The following TRIM26 variants were observed in gnomAD, a reference collection of about 807,000 sequenced individuals.
TRIM26 encodes tripartite motif-containing protein 26.
A neutral mutation model predicts 45.5 loss-of-function variants in TRIM26; 16 were observed. The ratio of observed to expected loss-of-function variants is 0.35; its 90% confidence interval spans 0.24 to 0.53. The LOEUF (loss-of-function observed/expected upper bound fraction) is 0.53, where lower values mean the gene tolerates loss of function less well. Ranked by LOEUF, TRIM26 falls within the 20% of genes least tolerant of loss-of-function variation. The pLI is 0.92. For missense variants in TRIM26, 442 were observed against 691.1 expected, an observed-to-expected ratio of 0.64 and a Z score of 4.04; for synonymous variants, 273 against 290.4, an observed-to-expected ratio of 0.94 and a Z score of 0.61.
At chr6:30,199,296 G>T in intron 3 of TRIM26, 32 bp from the exon 4 acceptor site, 1 of 522,716 alleles carries the variant, frequency 1.9e-6, no homozygotes, top group Admixed American at 3.4e-5. Context: ...AACGAGAAGA[G>T]GACCTTATAG....
chr6:30,198,304 G>A lies in TRIM26; in HGVS notation c.534+125C>T. On this transcript the variant is annotated intron_variant, in intron 5 of 9. Transcript: ENST00000454678. The surrounding 1 kb of genome is among the most constrained non-coding windows in gnomAD (Gnocchi z 6.3). ...TAAAACCCAGGTCTGCTACTGCCAG[G>A]CTGACACCCATCCTCCCTGTGAGCA... 9.9e-7 allele frequency: 1 copy of A among 1,009,532 alleles called. No individual in the cohort carries two copies. 62.5% of individuals were successfully genotyped at this position (1,009,532 alleles called of 1,614,324 possible).
intron 9 of TRIM26, among the ~76,000 whole-genome samples, chr6:30,188,046 C>G (rs1389031676): frequency 4.7e-5 from 7 of 148,170 alleles, no homozygotes; most frequent in Non-Finnish European, 1.0e-4. Flanking sequence ...GGTGAAACCC[C>G]GTCTCTACTA....
intron 9 of TRIM26, chr6:30,187,726 T>C (rs1352871645): frequency 5.4e-6 from 1 of 186,056 alleles, no homozygotes; most frequent in Non-Finnish European, 1.1e-5. Context: ...GAGACCATCC[T>C]GGCTAACATG....
intron 1 of TRIM26, among the ~76,000 whole-genome samples, chr6:30,205,862 A>G (rs898722564): frequency 1.3e-5 from 2 of 152,070 alleles, no homozygotes; most frequent in Non-Finnish European, 2.9e-5. Flanking sequence ...CCACCCAGAG[A>G]GGTGCCCTGG....
At position 30,196,751 on chromosome 6, in the gene TRIM26, AG is replaced by A; in HGVS notation, c.535-6del. The A allele has an allele frequency of 6.2e-7, 1 of 1,614,006 alleles. No homozygotes were observed. Among genetic ancestry groups the A allele is most frequent in the Non-Finnish European group, 8.5e-7 (1 of 1,179,972 alleles). ...CCTCTGGTCCTGGAGCTTCTTCTGC[AG>A]GGGGCAGGAAGGGGAGAAGGGCTGA... On this transcript the variant is annotated splice_polypyrimidine_tract_variant and splice_region_variant and intron_variant, in intron 5 of 9. Transcript: ENST00000454678. The surrounding 1 kb of genome is among the most constrained non-coding windows in gnomAD (Gnocchi z 4.9).
In TRIM26 at chr6:30,209,737, T is replaced by C. The variant is rs1484219069; in HGVS notation, c.-376+3568A>G. 2.0e-5 allele frequency among the ~76,000 whole-genome samples: 3 copies of C among 152,098 alleles called. No individual in the cohort carries two copies. Among genetic ancestry groups the C allele is most frequent in the Non-Finnish European group, 4.4e-5 (3 of 68,016 alleles). On this transcript the variant is annotated intron_variant, in intron 1 of 9. Transcript: ENST00000454678. The surrounding 1 kb of genome is among the most constrained non-coding windows in gnomAD (Gnocchi z 4.8). ...AGCTGAGGCTGGGTTTGGTGCCTCA[T>C]GCCTATAATCCTAGCACTGTGGGAG...
Position 30,201,130 on chromosome 6 carries a change from T to C in TRIM26, c.-257A>G, listed in dbSNP as rs1268157781. ...CACAGAGGTGACTGCGAGGCTGGAA[T>C]GAAGCAACCTGAATTACAGGCAAAT... On this transcript the variant is annotated 5_prime_UTR_variant, in exon 3 of 10. Coordinates refer to ENST00000454678, the MANE Select transcript of TRIM26 (RefSeq NM_003449.5). 6.6e-6 allele frequency: 1 copy of C among 152,204 alleles called. No individual in the cohort carries two copies. Among genetic ancestry groups the C allele is most frequent in the African/African-American group, 2.4e-5 (1 of 41,452 alleles). 9.4% of individuals were successfully genotyped at this position (152,204 alleles called of 1,614,324 possible). A position where few individuals can be genotyped will look rare whatever the true frequency, so the allele number is the denominator to read the frequency against.
At position 30,189,375 on chromosome 6, in the gene TRIM26, C is replaced by T. The variant is rs756766266; in HGVS notation, c.904+43G>A. 4 of 1,601,078 alleles carry T rather than the reference C, an allele frequency of 2.5e-6. No homozygotes were observed. The highest frequency in any genetic ancestry group is 1.3e-5 in the African/African-American group (1 of 74,636). On this transcript the variant is annotated intron_variant, in intron 8 of 9. Transcript: ENST00000454678. This position sits in a 1 kb window ranked among gnomAD's most constrained non-coding sequence, Gnocchi z 5.0. Reference sequence around the variant, plus strand: ...TGGGTGCGCTCTTTCTACGAGGTAGCCCTGCTCTGACTCCCACCCTTTGTG... The same window carrying T: ...TGGGTGCGCTCTTTCTACGAGGTAGTCCTGCTCTGACTCCCACCCTTTGTG...
chr6:30,196,865 G>T lies in TRIM26; in HGVS notation c.535-119C>A. On this transcript the variant is annotated intron_variant, in intron 5 of 9. Transcript: ENST00000454678. This position sits in a 1 kb window ranked among gnomAD's most constrained non-coding sequence, Gnocchi z 4.9. ...CTACCCCCGTTCAGGAATTCTACAG[G>T]ATCTGGAGTGGGAGGAGCTACAGAG... is the stretch of plus-strand genomic sequence containing the variant. The T allele has an allele frequency of 1.1e-6, 1 of 941,162 alleles. No individual in the cohort carries two copies. The highest frequency in any genetic ancestry group is 1.6e-6 in the Non-Finnish European group (1 of 624,076). 58.3% of individuals were successfully genotyped at this position (941,162 alleles called of 1,614,324 possible).
chr6:30,208,904 A>ATCTGTGTGTGTGTGTGTGTGTG (rs71550189), intron 1 of TRIM26, among the ~76,000 whole-genome samples: 1 of 140,730 alleles, frequency 7.1e-6, no homozygotes, highest in African/African-American at 2.6e-5. Flanking sequence ...GATATAGAAT[A>ATCTGTGTGTGTGTGTGTGTGTG]TGTGTGTGTG....
In TRIM26 at chr6:30,185,460, G is replaced by T. The variant is rs1384617140; in HGVS notation, c.*416C>A. 3 of 196,852 alleles carry T rather than the reference G, an allele frequency of 1.5e-5. No homozygotes were observed. Among genetic ancestry groups the T allele is most frequent in the Non-Finnish European group, 3.1e-5 (3 of 98,256 alleles). 12.2% of individuals were successfully genotyped at this position (196,852 alleles called of 1,614,324 possible). Reference sequence around the variant, plus strand: ...TGGGCAGCAGAGTGGATTTGTGCAAGAAGGAACCTGGGGGGTTTAAGGACA... The same window carrying T: ...TGGGCAGCAGAGTGGATTTGTGCAATAAGGAACCTGGGGGGTTTAAGGACA... On this transcript the variant is annotated 3_prime_UTR_variant, in exon 10 of 10. Coordinates refer to ENST00000454678, the MANE Select transcript of TRIM26 (RefSeq NM_003449.5). The surrounding 1 kb of genome is among the most constrained non-coding windows in gnomAD (Gnocchi z 5.7).
Position 30,196,216 on chromosome 6 carries a change from A to T in TRIM26, c.765+300T>A, listed in dbSNP as rs555169444. Among the ~76,000 whole-genome samples, 212 of 152,348 alleles carry T rather than the reference A, an allele frequency of 1.4e-3. 3 individuals carry two copies. Among genetic ancestry groups the T allele is most frequent in the Middle Eastern group, 0.01 (3 of 294 alleles). Reference sequence around the variant, plus strand: ...ACTTGTTAAGAGGGCTTGTGATGGCAGTGATGAGGATGGAGGATGGTAAAT... The same window carrying T: ...ACTTGTTAAGAGGGCTTGTGATGGCTGTGATGAGGATGGAGGATGGTAAAT... On this transcript the variant is annotated intron_variant, in intron 6 of 9. Coordinates refer to ENST00000454678, the MANE Select transcript of TRIM26 (RefSeq NM_003449.5). This position sits in a 1 kb window ranked among gnomAD's most constrained non-coding sequence, Gnocchi z 4.9.
chr6:30,197,212 G>GT (rs1776579434), intron 5 of TRIM26, among the ~76,000 whole-genome samples: 1 of 152,136 alleles, frequency 6.6e-6, no homozygotes, highest in African/African-American at 2.4e-5. Context: ...CCCCTGCCAT[G>GT]TAAGACTGCA....
rs540097461 is a variant in TRIM26 at position 30,207,635 on chromosome 6, G to C, written c.-375-2870C>G. On this transcript the variant is annotated intron_variant, in intron 1 of 9. Coordinates refer to ENST00000454678, the MANE Select transcript of TRIM26 (RefSeq NM_003449.5). This position sits in a 1 kb window ranked among gnomAD's most constrained non-coding sequence, Gnocchi z 4.9. ...AACTCCTGTCCTTCCTTTCTTCTGT[G>C]AGGAGGCTGTCCCAGGAGATCCTAG... Among the ~76,000 whole-genome samples, 1 of 152,170 alleles carries C rather than the reference G, an allele frequency of 6.6e-6. No individual in the cohort carries two copies. Among genetic ancestry groups the C allele is most frequent in the Admixed American group, 6.5e-5 (1 of 15,296 alleles).
Position 30,196,043 on chromosome 6 carries a change from C to T in TRIM26, c.765+473G>A, listed in dbSNP as rs1282032904. On this transcript the variant is annotated intron_variant, in intron 6 of 9. Transcript: ENST00000454678. This position sits in a 1 kb window ranked among gnomAD's most constrained non-coding sequence, Gnocchi z 4.9. Reference sequence around the variant, plus strand: ...GGTAATCCCATGGGCCAAAGAAAACCTGGCCATCTCTGTCTCCCTTCCCCA... The same window carrying T: ...GGTAATCCCATGGGCCAAAGAAAACTTGGCCATCTCTGTCTCCCTTCCCCA... 6.6e-6 allele frequency among the ~76,000 whole-genome samples: 1 copy of T among 152,176 alleles called. No homozygotes were observed. The highest frequency in any genetic ancestry group is 1.5e-5 in the Non-Finnish European group (1 of 68,036).
chr6:30,193,107 CAT>C (rs1442675199), intron 6 of TRIM26, among the ~76,000 whole-genome samples: 4 of 87,822 alleles, frequency 4.6e-5, no homozygotes, highest in Non-Finnish European at 6.4e-5. Flanking sequence ...TATCTATATA[CAT>C]ATATATGTGT....
At chr6:30,187,986 G>A (rs1190459972) in intron 9 of TRIM26, among the ~76,000 whole-genome samples, 7 of 145,086 alleles carry the variant, frequency 4.8e-5, no homozygotes, top group East Asian at 2.0e-4. Flanking sequence ...TTGGGAGGCC[G>A]AGGCGGGTGG....
chr6:30,187,700 A>G, intron 9 of TRIM26: 1 of 212,878 alleles, frequency 4.7e-6, no homozygotes, highest in South Asian at 6.5e-5. Flanking sequence ...CGGGTGGATC[A>G]CAAGGTCAGG....
intron 2 of TRIM26, among the ~76,000 whole-genome samples, chr6:30,202,851 TA>T (rs9280917): frequency 6.7e-6 from 1 of 150,348 alleles, no homozygotes; most frequent in Non-Finnish European, 1.5e-5. Flanking sequence ...GTCAATGTCA[TA>T]AAAAAAAACC....
Sources: allele counts gnomAD v4.1 joint callset (sites outside exome capture counted in the v4.1 genomes callset), GRCh38; gene constraint gnomAD v4.1.1; non-coding constraint Gnocchi (gnomAD v3.1); transcripts MANE v1.5; gene names NCBI Gene and HGNC (gene_info 2026-07-23, HGNC 2026-07-21).